Variants in PAPPA2 observed in about 807,000 individuals in gnomAD.
The protein encoded by PAPPA2 is pappalysin-2.
A neutral mutation model predicts 176.4 loss-of-function variants in PAPPA2; 86 were observed. The observed-to-expected ratio is 0.49, with a 90% CI of 0.41 to 0.58. The LOEUF is 0.58. Among genes scored for constraint, PAPPA2 ranks in the 20% least tolerant of loss-of-function variants. PAPPA2 has a pLI of 0.00. For missense variants in PAPPA2, 2,073 were observed against 2,256.9 expected, an observed-to-expected ratio of 0.92 and a Z score of 1.65; for synonymous variants, 809 against 852.2, an observed-to-expected ratio of 0.95 and a Z score of 0.88.
chr1:176,623,576 C>CTTCCTTCCTTCCTTCCT (rs1226146337), intron 3 of PAPPA2, among the ~76,000 whole-genome samples: 4 of 84,956 alleles, frequency 4.7e-5, no homozygotes, highest in African/African-American at 2.5e-4. Flanking sequence ...CCTTCCTTCC[C>CTTCCTTCCTTCCTTCCT]TCCTTCCTTC....
At chr1:176,782,920 A>G (rs1447053193) in intron 17 of PAPPA2, among the ~76,000 whole-genome samples, 1 of 152,172 alleles carries the variant, frequency 6.6e-6, no homozygotes, top group Non-Finnish European at 1.5e-5. Flanking sequence ...AAGTATAGAG[A>G]CAATTTTCAG....
intron 3 of PAPPA2, among the ~76,000 whole-genome samples, chr1:176,635,003 A>G (rs1406591146): frequency 1.3e-5 from 2 of 149,356 alleles, no homozygotes; most frequent in African/African-American, 2.5e-5. Context: ...AGATAGATAG[A>G]TAGATAGATA....
intron 3 of PAPPA2, among the ~76,000 whole-genome samples, chr1:176,636,851 A>G (rs1435779223): frequency 6.6e-6 from 1 of 152,164 alleles, no homozygotes; most frequent in Non-Finnish European, 1.5e-5. Flanking sequence ...GTTCTTCATT[A>G]GAGATAAAAA....
intron 1 of PAPPA2, among the ~76,000 whole-genome samples, chr1:176,525,089 C>A (rs1229004068): frequency 1.3e-5 from 2 of 152,070 alleles, no homozygotes; most frequent in African/African-American, 4.8e-5. Flanking sequence ...TTATACAGGA[C>A]ACTTTAAGGA....
chr1:176,748,378 TC>T (rs1299653475), intron 14 of PAPPA2, among the ~76,000 whole-genome samples: 1 of 152,168 alleles, frequency 6.6e-6, no homozygotes, highest in Non-Finnish European at 1.5e-5. Context: ...TCATAGAAAT[TC>T]CCCAGCTCTT....
At chr1:176,510,261 T>A (rs778443579) in intron 1 of PAPPA2, among the ~76,000 whole-genome samples, 6 of 152,194 alleles carry the variant, frequency 3.9e-5, no homozygotes, top group Admixed American at 3.3e-4. Flanking sequence ...GAACATGTTA[T>A]GAACAGAGCA....
At chr1:176,710,746 A>G (rs1405813227) in intron 11 of PAPPA2, among the ~76,000 whole-genome samples, 2 of 152,194 alleles carry the variant, frequency 1.3e-5, no homozygotes, top group African/African-American at 2.4e-5. Context: ...GCCCTTTCAC[A>G]GAAGTGAGAT....
intron 2 of PAPPA2, among the ~76,000 whole-genome samples, chr1:176,584,618 C>T (rs886331167): frequency 1.3e-5 from 2 of 152,006 alleles, no homozygotes; most frequent in African/African-American, 4.8e-5. Context: ...GAATTTAGTT[C>T]ATTTTATTGA....
chr1:176,502,372 A>C (rs1178862482), intron 1 of PAPPA2, among the ~76,000 whole-genome samples: 2 of 152,234 alleles, frequency 1.3e-5, no homozygotes, highest in Admixed American at 1.3e-4. Flanking sequence ...TTGTATTCTC[A>C]GCATTTCTGA....
intron 2 of PAPPA2, among the ~76,000 whole-genome samples, chr1:176,579,549 C>T (rs1652843013): frequency 6.6e-6 from 1 of 152,154 alleles, no homozygotes; most frequent in Non-Finnish European, 1.5e-5. Context: ...TCAGTCTATA[C>T]ATTTTTTTGA....
intron 17 of PAPPA2, among the ~76,000 whole-genome samples, chr1:176,786,599 TC>T (rs1664943493): frequency 6.6e-6 from 1 of 152,178 alleles, no homozygotes; most frequent in Admixed American, 6.5e-5. Context: ...GGGACACAGG[TC>T]ATCTGAGTGC....
intron 12 of PAPPA2, among the ~76,000 whole-genome samples, chr1:176,719,625 G>A (rs1471979237): frequency 2.6e-5 from 4 of 151,912 alleles, no homozygotes; most frequent in East Asian, 1.9e-4. Flanking sequence ...CATTTATATC[G>A]ATAATTTCAC....
chr1:176,569,196 C>T (rs146373059), intron 2 of PAPPA2, among the ~76,000 whole-genome samples: 148 of 152,326 alleles, frequency 9.7e-4, no homozygotes, highest in African/African-American at 3.4e-3. Flanking sequence ...CAATCATGCT[C>T]TCACACCATG....
intron 3 of PAPPA2, among the ~76,000 whole-genome samples, chr1:176,601,106 C>T (rs1331938315): frequency 6.6e-6 from 1 of 152,042 alleles, no homozygotes; most frequent in Non-Finnish European, 1.5e-5. Flanking sequence ...AGAGCTCTGC[C>T]CTCGTGAATG....
intron 21 of PAPPA2, among the ~76,000 whole-genome samples, chr1:176,824,478 T>C (rs1180177299): frequency 6.6e-6 from 1 of 152,240 alleles, no homozygotes; most frequent in Non-Finnish European, 1.5e-5. Context: ...AAATTTCTTA[T>C]GCATTAAATA....
intron 1 of PAPPA2, among the ~76,000 whole-genome samples, chr1:176,500,187 A>G (rs1032395054): frequency 5.9e-5 from 9 of 152,096 alleles, no homozygotes; most frequent in Non-Finnish European, 1.2e-4. Flanking sequence ...ACCTTTCTAG[A>G]TATTTTCTTC....
chr1:176,655,590 T>C (rs1485198518), intron 3 of PAPPA2, among the ~76,000 whole-genome samples: 1 of 151,776 alleles, frequency 6.6e-6, no homozygotes, highest in Non-Finnish European at 1.5e-5. Flanking sequence ...CTTACACCAG[T>C]CAGAATGGCA....
At position 176,595,554 on chromosome 1, in the gene PAPPA2, T is replaced by C. The variant is rs902298871; in HGVS notation, c.1950T>C (p.Ala650=). The C allele has an allele frequency of 3.7e-6, 6 of 1,613,832 alleles. No individual in the cohort carries two copies. In the African/African-American group the frequency reaches 6.7e-5, roughly 18 times the overall value. The change falls in exon 3 of 23, where the codon GCT becomes GCC. Residue 650 remains alanine, a synonymous_variant. Coordinates refer to ENST00000367662, the MANE Select transcript of PAPPA2 (RefSeq NM_020318.3). ...DDGDCCDPQV[A]DVRKTCFDPD... ...GAGACTGCTGCGACCCCCAGGTGGCTGATGTGCGCAAGACCTGCTTTGACC... is the reference window on the plus strand; with the variant it reads ...GAGACTGCTGCGACCCCCAGGTGGCCGATGTGCGCAAGACCTGCTTTGACC...
intron 1 of PAPPA2, among the ~76,000 whole-genome samples, chr1:176,512,088 T>C (rs1648630728): frequency 6.6e-6 from 1 of 151,924 alleles, no homozygotes; most frequent in African/African-American, 2.4e-5. Context: ...AATGGCAAAA[T>C]ATTTCATATC....
Sources: allele counts gnomAD v4.1 joint callset (sites outside exome capture counted in the v4.1 genomes callset), GRCh38; gene constraint gnomAD v4.1.1; transcripts MANE v1.5; gene names NCBI Gene and HGNC (gene_info 2026-07-23, HGNC 2026-07-21).